The following DNAH11 variants were observed in gnomAD, a reference collection of about 807,000 sequenced individuals.
The protein encoded by DNAH11 is dynein axonemal heavy chain 11, also known as axonemal beta dynein heavy chain 11.
A neutral mutation model predicts 526.0 loss-of-function variants in DNAH11; 442 were observed. That is an observed-to-expected ratio of 0.84 (90% CI 0.78 to 0.91). DNAH11 has a LOEUF of 0.91. Ranked by LOEUF, DNAH11 falls within the 40% of genes least tolerant of loss-of-function variation. DNAH11 has a pLI of 0.00. For missense variants in DNAH11, 6,989 were observed against 5,448.7 expected (o/e 1.28, Z -8.90); for synonymous variants, 2,461 against 1,935.9 (o/e 1.27, Z -7.12).
chr7:21,774,023 T>C (rs1323120986), intron 56 of DNAH11, 24 bp downstream of exon 56: 1 of 1,505,388 alleles, frequency 6.6e-7, no homozygotes. Context: ...GTGTTATTAC[T>C]GAGTAATATT....
intron 50 of DNAH11, 24 bp from the exon 51 acceptor site, chr7:21,744,846 A>G (rs1330013329): frequency 1.3e-6 from 2 of 1,589,552 alleles, no homozygotes; most frequent in East Asian, 2.3e-5. Flanking sequence ...GACATGCCAT[A>G]TTTTTCTCTT....
At chr7:21,709,209 T>C (rs1159334968) in intron 40 of DNAH11, among the ~76,000 whole-genome samples, 1 of 152,150 alleles carries the variant, frequency 6.6e-6, no homozygotes, top group African/African-American at 2.4e-5. Context: ...AAAGAAAACA[T>C]GGTACATATA....
intron 4 of DNAH11, among the ~76,000 whole-genome samples, chr7:21,560,689 G>C (rs190624382): frequency 9.2e-5 from 14 of 152,248 alleles, no homozygotes; most frequent in African/African-American, 3.4e-4. Flanking sequence ...CTGATTAGAT[G>C]GTGCCCACCC....
intron 28 of DNAH11, among the ~76,000 whole-genome samples, chr7:21,651,370 T>C (rs746058070): frequency 6.6e-6 from 1 of 152,106 alleles, no homozygotes; most frequent in Non-Finnish European, 1.5e-5. Context: ...TTTTATTTAT[T>C]TATTTTTTTT....
chr7:21,605,613 A>AC (rs1193517898), intron 18 of DNAH11, among the ~76,000 whole-genome samples: 1 of 152,216 alleles, frequency 6.6e-6, no homozygotes, highest in Non-Finnish European at 1.5e-5. Context: ...AAACTCTCCA[A>AC]CAAGAAGGAG....
At chr7:21,747,825 C>T (rs1356694115) in intron 51 of DNAH11, among the ~76,000 whole-genome samples, 2 of 152,206 alleles carry the variant, frequency 1.3e-5, no homozygotes, top group Non-Finnish European at 2.9e-5. Context: ...TTGGTCTAAA[C>T]AAATCCATTC....
chr7:21,807,446 C>G (rs1789314009), intron 62 of DNAH11, among the ~76,000 whole-genome samples: 1 of 152,150 alleles, frequency 6.6e-6, no homozygotes, highest in Non-Finnish European at 1.5e-5. Context: ...TTGCAATGAG[C>G]CAAGATGGTG....
In DNAH11 at chr7:21,894,908, G is replaced by T. The variant is rs1224851036; in HGVS notation, c.12958G>T (p.Val4320Leu). Residue 4320 changes from valine to leucine, a missense_variant, in exon 79 of 82, where the codon GTG becomes TTG. Physicochemically the swap from Val to Leu is conservative, Grantham distance 32. Coordinates refer to ENST00000409508, the MANE Select transcript of DNAH11 (RefSeq NM_001277115.2). ...GGGGGAATTGGCATTATCTCCTGCT[G>T]TGGAAGCCCAGCAGTTTGCATTGAG... ...LKGELALSPAVEAQQFALSYD... is the reference protein window; with the variant it reads ...LKGELALSPALEAQQFALSYD... 1.2e-6 allele frequency: 2 copies of T among 1,613,978 alleles called. No individual in the cohort carries two copies. Among genetic ancestry groups the T allele is most frequent in the South Asian group, 1.1e-5 (1 of 91,074 alleles).
intron 30 of DNAH11, among the ~76,000 whole-genome samples, chr7:21,659,853 T>G (rs1456793596): frequency 6.6e-6 from 1 of 152,138 alleles, no homozygotes; most frequent in Non-Finnish European, 1.5e-5. Context: ...TGAGTGATCC[T>G]TGTATTGTTA....
At chr7:21,783,911 G>A (rs1288205993) in intron 57 of DNAH11, among the ~76,000 whole-genome samples, 1 of 152,150 alleles carries the variant, frequency 6.6e-6, no homozygotes, top group Non-Finnish European at 1.5e-5. Flanking sequence ...TTAGGCATGC[G>A]ATCCATGACC....
At chr7:21,801,092 G>A in intron 61 of DNAH11, 45 bp from the exon 62 acceptor site, 1 of 1,562,254 alleles carries the variant, frequency 6.4e-7, no homozygotes, top group East Asian at 2.3e-5. Flanking sequence ...TAATCTCTCT[G>A]TTTTAACTAA....
chr7:21,659,079 T>C (rs1165705908), intron 30 of DNAH11, 48 bp downstream of exon 30: 1 of 1,401,754 alleles, frequency 7.1e-7, no homozygotes, highest in African/African-American at 1.4e-5. Flanking sequence ...CTTCAAGATG[T>C]AAGCTTGCTT....
Position 21,873,395 on chromosome 7 carries a change from A to G in DNAH11, c.12089A>G (p.Glu4030Gly). Reference sequence around the variant, plus strand: ...GCTGAGTCTGCACCTACACCAGATGAGCATATCATCCCTCAAGGACTCCTG... The same window carrying G: ...GCTGAGTCTGCACCTACACCAGATGGGCATATCATCCCTCAAGGACTCCTG... Reference protein sequence around the residue: ...MSAESAPTPDEHIIPQGLLEN... With the variant: ...MSAESAPTPDGHIIPQGLLEN... The change falls in exon 74 of 82, where the codon GAG (glutamate) becomes GGG (glycine). Residue 4030 changes from glutamate (E) to glycine (G), a missense_variant. Transcript: ENST00000409508. The G allele has an allele frequency of 6.2e-7, 1 of 1,613,998 alleles. No homozygotes were observed. The highest frequency in any genetic ancestry group is 8.5e-7 in the Non-Finnish European group (1 of 1,179,886).
chr7:21,826,494 A>G (rs1439098358), intron 65 of DNAH11, among the ~76,000 whole-genome samples: 1 of 152,232 alleles, frequency 6.6e-6, no homozygotes, highest in Admixed American at 6.5e-5. Context: ...GTGTTATAAC[A>G]AGAACAGAAA....
intron 63 of DNAH11, among the ~76,000 whole-genome samples, chr7:21,808,819 A>C (rs1384260680): frequency 6.6e-6 from 1 of 152,166 alleles, no homozygotes; most frequent in Admixed American, 6.5e-5. Flanking sequence ...TGTCTTGGCT[A>C]TTGTGAATAG....
intron 17 of DNAH11, 102 bp from the exon 18 acceptor site, chr7:21,601,294 A>T: frequency 7.0e-7 from 1 of 1,437,262 alleles, no homozygotes. Flanking sequence ...TAAATGTTTA[A>T]TCAGGTACAT....
At position 21,651,934 on chromosome 7, in the gene DNAH11, C is replaced by T. The variant is rs375095660; in HGVS notation, c.4945-3898C>T. On this transcript the variant is annotated intron_variant, in intron 28 of 81. Transcript: ENST00000409508. ...GTGATTAGCCACTGTGCTGCTTTTA[C>T]TCACTTCACACACAGACAGCTAAGC... Among the ~76,000 whole-genome samples, 255 of 152,362 alleles carry T rather than the reference C, an allele frequency of 1.7e-3. 7 individuals carry two copies. In the South Asian group the frequency reaches 0.041, roughly 24 times the overall value.
intron 20 of DNAH11, among the ~76,000 whole-genome samples, chr7:21,609,733 C>G (rs2128450118): frequency 6.6e-6 from 1 of 152,246 alleles, no homozygotes; most frequent in Non-Finnish European, 1.5e-5. Flanking sequence ...AAACAAATCT[C>G]TAAAGGGCAA....
chr7:21,721,688 A>G (rs1459483384), intron 44 of DNAH11, among the ~76,000 whole-genome samples: 1 of 152,130 alleles, frequency 6.6e-6, no homozygotes, highest in Non-Finnish European at 1.5e-5. Context: ...CATCATCTAA[A>G]TCTAATTATG....
Sources: allele counts gnomAD v4.1 joint callset (sites outside exome capture counted in the v4.1 genomes callset), GRCh38; gene constraint gnomAD v4.1.1; transcripts MANE v1.5; gene names NCBI Gene and HGNC (gene_info 2026-07-23, HGNC 2026-07-21).